The following LCLAT1 variants were observed in gnomAD, a reference collection of about 807,000 sequenced individuals.
The protein encoded by LCLAT1 is lysocardiolipin acyltransferase 1.
LCLAT1 carries 11 observed loss-of-function variants against 30.7 expected under a neutral mutation model. The ratio of observed to expected loss-of-function variants is 0.36; its 90% CI spans 0.23 to 0.59. The LOEUF (loss-of-function observed/expected upper bound fraction) is 0.59. Among genes scored for constraint, LCLAT1 ranks in the 20% least tolerant of loss-of-function variants. LCLAT1 has a pLI of 0.77. For missense variants in LCLAT1, 402 were observed against 458.6 expected (o/e 0.88, Z 1.13); for synonymous variants, 155 against 151.3 (o/e 1.02, Z -0.18).
At chr2:30,476,423 A>C (rs949153047) in intron 1 of LCLAT1, 1 of 456,568 alleles carries the variant, frequency 2.2e-6, no homozygotes, top group African/African-American at 2.0e-5. Context: ...CACTTGAATT[A>C]TCTCCTGATT....
In LCLAT1 at chr2:30,498,484, G is replaced by T. The variant is rs548938724; in HGVS notation, c.-4-27103G>T. Among the ~76,000 whole-genome samples the T allele has an allele frequency of 2.6e-5, 4 of 152,320 alleles. 1 individual carries two copies. In the East Asian group the frequency reaches 7.7e-4, roughly 29 times the overall value. On this transcript the variant is annotated intron_variant, in intron 1 of 5. Coordinates refer to ENST00000379509, the MANE Select transcript of LCLAT1 (RefSeq NM_001002257.3). ...GAGAAATGTATCCAAAGGGTTTTGGGTTCACAGAGTAAGCATTTCCATTGA... is the reference window on the plus strand; with the variant it reads ...GAGAAATGTATCCAAAGGGTTTTGGTTTCACAGAGTAAGCATTTCCATTGA...
In LCLAT1 at chr2:30,447,296, G is replaced by A. The variant is rs1681294085; in HGVS notation, c.-92G>A. 1 of 151,904 alleles carries A rather than the reference G, an allele frequency of 6.6e-6. No homozygotes were observed. The highest frequency in any genetic ancestry group is 2.4e-5 in the African/African-American group (1 of 41,408). 9.4% of individuals were successfully genotyped at this position (151,904 alleles called of 1,614,324 possible). A position where few individuals can be genotyped will look rare whatever the true frequency, so the allele number is the denominator to read the frequency against. On this transcript the variant is annotated 5_prime_UTR_variant, in exon 1 of 6. Transcript: ENST00000379509. ...GCGTTACGGGATGAATTAACGGCGG[G>A]TTCCGCACGGAGGTTGTGACCCCTA... is the stretch of plus-strand genomic sequence containing the variant.
At chr2:30,612,222 T>C (rs1667772495) in intron 5 of LCLAT1, among the ~76,000 whole-genome samples, 1 of 152,164 alleles carries the variant, frequency 6.6e-6, no homozygotes, top group South Asian at 2.1e-4. Flanking sequence ...CACAGGGGAT[T>C]GCATTCCAGA....
chr2:30,617,943 A>G (rs1668072694), intron 5 of LCLAT1, among the ~76,000 whole-genome samples: 1 of 152,096 alleles, frequency 6.6e-6, no homozygotes, highest in Non-Finnish European at 1.5e-5. Flanking sequence ...TGTGGCTTGC[A>G]TTTTTATTTC....
chr2:30,552,770 A>C (rs1297487288), intron 3 of LCLAT1: 1 of 212,198 alleles, frequency 4.7e-6, no homozygotes, highest in African/African-American at 2.3e-5. Flanking sequence ...TTATTTGTAT[A>C]ACTACTATTA....
At chr2:30,490,005 G>A (rs1572516851) in intron 1 of LCLAT1, among the ~76,000 whole-genome samples, 1 of 152,150 alleles carries the variant, frequency 6.6e-6, no homozygotes, top group Non-Finnish European at 1.5e-5. Context: ...ACCAGTTGCT[G>A]TTCCAAATAC....
intron 5 of LCLAT1, among the ~76,000 whole-genome samples, chr2:30,589,244 T>C (rs749634542): frequency 1.3e-5 from 2 of 152,208 alleles, no homozygotes; most frequent in African/African-American, 2.4e-5. Context: ...AATTGAAATA[T>C]TATTCCATGT....
At chr2:30,636,158 GA>G (rs1669013543) in intron 5 of LCLAT1, among the ~76,000 whole-genome samples, 1 of 152,110 alleles carries the variant, frequency 6.6e-6, no homozygotes, top group Non-Finnish European at 1.5e-5. Flanking sequence ...AATACGTCAG[GA>G]AAAAAGGCTG....
intron 3 of LCLAT1, among the ~76,000 whole-genome samples, chr2:30,557,343 T>G (rs1304902853): frequency 6.7e-6 from 1 of 149,728 alleles, no homozygotes; most frequent in Non-Finnish European, 1.5e-5. Context: ...CAGTCTTAAC[T>G]GGAACTAACA....
At chr2:30,546,978 C>A (rs955723257) in intron 3 of LCLAT1, among the ~76,000 whole-genome samples, 3 of 151,974 alleles carry the variant, frequency 2.0e-5, no homozygotes, top group African/African-American at 7.3e-5. Context: ...GATTTTGTGC[C>A]AGGAAACTCA....
At chr2:30,480,376 G>T (rs1683258916) in intron 1 of LCLAT1, among the ~76,000 whole-genome samples, 1 of 151,980 alleles carries the variant, frequency 6.6e-6, no homozygotes, top group East Asian at 1.9e-4. Flanking sequence ...TTTTTTCTTT[G>T]TAGAAATGGG....
chr2:30,544,699 G>A (rs1393255527), intron 3 of LCLAT1, among the ~76,000 whole-genome samples: 1 of 152,002 alleles, frequency 6.6e-6, no homozygotes, highest in Non-Finnish European at 1.5e-5. Context: ...TGTGCCTAAG[G>A]GATTATTTTT....
rs1668910689 is a variant in LCLAT1 at position 30,634,205 on chromosome 2, C to CA, written c.629-5911dup. ...CCAAGTGAGTGTGGTTGTTCTAACA[C>CA]AGTGCTGGCTTTATAAAATATTAAA... On this transcript the variant is annotated intron_variant, in intron 5 of 5. Coordinates refer to ENST00000379509, the MANE Select transcript of LCLAT1 (RefSeq NM_001002257.3). Among the ~76,000 whole-genome samples the CA allele has an allele frequency of 2.0e-5, 3 of 152,320 alleles. No individual in the cohort carries two copies. The South Asian group carries it at 6.2e-4, about 32-fold the overall frequency.
chr2:30,603,681 A>T (rs1432280110), intron 5 of LCLAT1, among the ~76,000 whole-genome samples: 1 of 152,104 alleles, frequency 6.6e-6, no homozygotes, highest in Non-Finnish European at 1.5e-5. Context: ...CAACATATGA[A>T]TAGAATCTCC....
chr2:30,588,374 C>T (rs780464599), intron 5 of LCLAT1, among the ~76,000 whole-genome samples: 6 of 152,212 alleles, frequency 3.9e-5, no homozygotes, highest in Admixed American at 6.5e-5. Context: ...GCTCATGTGG[C>T]TGTGCCCCCA....
intron 1 of LCLAT1, among the ~76,000 whole-genome samples, chr2:30,484,807 A>G (rs1376437121): frequency 6.6e-6 from 1 of 152,158 alleles, no homozygotes; most frequent in Non-Finnish European, 1.5e-5. Flanking sequence ...AAGTTGAACT[A>G]TTTATCAAAT....
intron 3 of LCLAT1, among the ~76,000 whole-genome samples, chr2:30,538,960 C>T (rs1572594410): frequency 6.6e-6 from 1 of 150,774 alleles, no homozygotes; most frequent in Non-Finnish European, 1.5e-5. Context: ...TTCCCCCAAC[C>T]TCTTTTTTTT....
At chr2:30,516,562 A>T (rs561614515) in intron 1 of LCLAT1, among the ~76,000 whole-genome samples, 3 of 152,316 alleles carry the variant, frequency 2.0e-5, no homozygotes, top group Non-Finnish European at 4.4e-5. Flanking sequence ...TAACAGAGCT[A>T]TAACACTCCC....
chr2:30,554,914 A>G (rs914064980), intron 3 of LCLAT1, among the ~76,000 whole-genome samples: 3 of 152,114 alleles, frequency 2.0e-5, no homozygotes, highest in Admixed American at 6.5e-5. Context: ...CCAGCTGAAA[A>G]TATGAATGAA....
Sources: allele counts gnomAD v4.1 joint callset (sites outside exome capture counted in the v4.1 genomes callset), GRCh38; gene constraint gnomAD v4.1.1; transcripts MANE v1.5; gene names NCBI Gene and HGNC (gene_info 2026-07-23, HGNC 2026-07-21).